XPR1: variants seen among roughly 807,000 people sequenced by gnomAD.
XPR1 encodes xenotropic and polytropic retrovirus receptor 1.
A neutral mutation model predicts 87.5 loss-of-function variants in XPR1; 28 were observed. The observed-to-expected ratio is 0.32, with a 90% CI of 0.24 to 0.44. The LOEUF (loss-of-function observed/expected upper bound fraction) is 0.44, where lower values mean the gene tolerates loss of function less well. Among genes scored for constraint, XPR1 ranks in the 20% least tolerant of loss-of-function variants. The pLI, the probability that XPR1 is intolerant of heterozygous loss-of-function variation, is 1.00. For missense variants in XPR1, 559 were observed against 862.3 expected (o/e 0.65, Z 4.41); for synonymous variants, 300 against 306.1 (o/e 0.98, Z 0.21).
At chr1:180,727,619 G>T (rs1658399987) in intron 2 of XPR1, among the ~76,000 whole-genome samples, 1 of 152,164 alleles carries the variant, frequency 6.6e-6, no homozygotes, top group Non-Finnish European at 1.5e-5. Context: ...ACTGCAGCCT[G>T]GGTGGCAAGA....
At chr1:180,635,704 G>A (rs1416151780) in intron 1 of XPR1, among the ~76,000 whole-genome samples, 2 of 152,186 alleles carry the variant, frequency 1.3e-5, no homozygotes, top group Non-Finnish European at 2.9e-5. Flanking sequence ...ATGTGTATAT[G>A]TCTCTTGAGC....
Position 180,803,600 on chromosome 1 carries a change from C to T in XPR1, c.436C>T (p.Gln146Ter). 1 of 1,611,536 alleles carries T rather than the reference C, an allele frequency of 6.2e-7. No homozygotes were observed. Among genetic ancestry groups the T allele is most frequent in the Non-Finnish European group, 8.5e-7 (1 of 1,179,122 alleles). ...SEFYLSLILL[Q>*]NYQNLNFTGF... is the part of the protein sequence containing the mutation. ...GTTCTACCTCAGTCTAATCCTGCTG[C>T]AGAACTATCAGGTACTTAGATTCTT... is the stretch of plus-strand genomic sequence containing the variant. Residue 146 changes from glutamine (Q) to a stop codon, truncating the protein, a stop_gained, in exon 4 of 15, where the codon CAG becomes TAG. Transcript: ENST00000367590. LOFTEE classifies it high-confidence loss of function.
chr1:180,886,996 A>C lies in XPR1; in HGVS notation c.*2930A>C, dbSNP rs927203879. 1 of 152,140 alleles carries C rather than the reference A, an allele frequency of 6.6e-6. No homozygotes were observed. The highest frequency in any genetic ancestry group is 1.5e-5 in the Non-Finnish European group (1 of 68,058). 9.4% of individuals were successfully genotyped at this position (152,140 alleles called of 1,614,324 possible). A position where few individuals can be genotyped will look rare whatever the true frequency, so the allele number is the denominator to read the frequency against. ...AGACCAGCCTGACCAACATGGTGAA[A>C]CCCCGTCTCTACTAAAAATACAAAA... On this transcript the variant is annotated 3_prime_UTR_variant, in exon 15 of 15. Transcript: ENST00000367590.
intron 6 of XPR1, among the ~76,000 whole-genome samples, chr1:180,808,916 C>G (rs533660764): frequency 6.6e-6 from 1 of 152,238 alleles, no homozygotes; most frequent in South Asian, 2.1e-4. Flanking sequence ...TATGGTCTAG[C>G]TATTACACTC....
intron 2 of XPR1, among the ~76,000 whole-genome samples, chr1:180,757,145 A>T (rs554205143): frequency 6.6e-6 from 1 of 152,156 alleles, no homozygotes; most frequent in Non-Finnish European, 1.5e-5. Flanking sequence ...GGTTCCTTGC[A>T]TTTCCATATG....
intron 1 of XPR1, among the ~76,000 whole-genome samples, chr1:180,639,294 A>G (rs1183964010): frequency 6.6e-6 from 1 of 152,190 alleles, no homozygotes; most frequent in Non-Finnish European, 1.5e-5. Context: ...TCTGAAAAAA[A>G]AAAACACCCT....
At chr1:180,670,210 A>G (rs1304788679) in intron 1 of XPR1, among the ~76,000 whole-genome samples, 1 of 152,128 alleles carries the variant, frequency 6.6e-6, no homozygotes, top group Non-Finnish European at 1.5e-5. Context: ...TCATTGGAGA[A>G]TTTAATTCAT....
intron 2 of XPR1, among the ~76,000 whole-genome samples, chr1:180,743,729 A>G (rs778901367): frequency 6.6e-6 from 1 of 151,944 alleles, no homozygotes. Flanking sequence ...TCTTTATTTC[A>G]CCTTCATTCC....
chr1:180,755,952 G>C (rs1647721712), intron 2 of XPR1, among the ~76,000 whole-genome samples: 1 of 152,208 alleles, frequency 6.6e-6, no homozygotes, highest in African/African-American at 2.4e-5. Context: ...GGCTGGGAGA[G>C]GGTCAGAGTA....
chr1:180,837,640 G>A (rs1651345391), intron 11 of XPR1, among the ~76,000 whole-genome samples: 1 of 152,086 alleles, frequency 6.6e-6, no homozygotes, highest in South Asian at 2.1e-4. Context: ...ACTTTTTGCA[G>A]TAGATTCTGT....
chr1:180,826,073 G>C (rs889102479), intron 9 of XPR1, among the ~76,000 whole-genome samples: 1 of 151,954 alleles, frequency 6.6e-6, no homozygotes, highest in Admixed American at 6.5e-5. Context: ...AAGAAAAATT[G>C]ACTTTGATTC....
At chr1:180,821,264 A>G (rs1650617593) in intron 7 of XPR1, among the ~76,000 whole-genome samples, 1 of 152,118 alleles carries the variant, frequency 6.6e-6, no homozygotes. Context: ...ACTTTTTTGC[A>G]TGTGAATATC....
intron 4 of XPR1, among the ~76,000 whole-genome samples, chr1:180,804,995 G>A (rs1001261463): frequency 9.9e-5 from 15 of 151,940 alleles, no homozygotes; most frequent in African/African-American, 3.6e-4. Context: ...GCTTTTGTTC[G>A]GAGTCATTAT....
intron 1 of XPR1, among the ~76,000 whole-genome samples, chr1:180,661,382 G>A (rs146606444): frequency 7.9e-5 from 12 of 151,162 alleles, no homozygotes; most frequent in East Asian, 7.8e-4. Flanking sequence ...TTGCCATTTC[G>A]TTATTTGTTT....
At chr1:180,864,502 A>G (rs1005717260) in intron 12 of XPR1, among the ~76,000 whole-genome samples, 2 of 152,166 alleles carry the variant, frequency 1.3e-5, no homozygotes, top group African/African-American at 4.8e-5. Flanking sequence ...GACTAAATGA[A>G]AAGTGTCATG....
chr1:180,717,961 T>C (rs1402893147), intron 2 of XPR1, among the ~76,000 whole-genome samples: 6 of 152,186 alleles, frequency 3.9e-5, no homozygotes, highest in Admixed American at 6.5e-5. Flanking sequence ...TGAATAGATA[T>C]GAAGTTTAAA....
At chr1:180,707,613 GT>G (rs1185960421) in intron 2 of XPR1, among the ~76,000 whole-genome samples, 1 of 152,068 alleles carries the variant, frequency 6.6e-6, no homozygotes, top group African/African-American at 2.4e-5. Context: ...TATAGATTTT[GT>G]GTTGTGAACC....
At chr1:180,656,075 G>T (rs1159379192) in intron 1 of XPR1, among the ~76,000 whole-genome samples, 3 of 149,382 alleles carry the variant, frequency 2.0e-5, no homozygotes, top group African/African-American at 4.9e-5. Context: ...CTATTTTTTG[G>T]TACCCATTAA....
At chr1:180,726,076 A>G (rs1408454909) in intron 2 of XPR1, among the ~76,000 whole-genome samples, 1 of 152,198 alleles carries the variant, frequency 6.6e-6, no homozygotes, top group Non-Finnish European at 1.5e-5. Context: ...GTCTAGCTAG[A>G]GGAGTGTAAA....
Sources: gnomAD v4.1 joint callset for allele counts (sites outside exome capture counted in the v4.1 genomes callset) on GRCh38, gnomAD v4.1.1 for gene constraint, MANE v1.5 for transcripts, NCBI Gene and HGNC (gene_info 2026-07-23, HGNC 2026-07-21) for gene names.